Variants in MMP13 observed in about 807,000 individuals in gnomAD.
MMP13 encodes the protein collagenase 3.
In MMP13, 45 loss-of-function variants were observed where a neutral mutation model predicts 52.1. That is an observed-to-expected ratio of 0.86 (90% CI 0.68 to 1.11). MMP13 has a LOEUF of 1.11. Among genes scored for constraint, MMP13 ranks in the 50% least tolerant of loss-of-function variants. The probability of loss-of-function intolerance (pLI) is 0.00; values close to 1 mark genes in which losing one functional copy is unlikely to be tolerated. For missense variants in MMP13, 576 were observed against 583.8 expected (o/e 0.99, Z 0.14); for synonymous variants, 200 against 204.4 (o/e 0.98, Z 0.18).
chr11:102,954,134 A>G (rs769418718), intron 4 of MMP13, 22 bp downstream of exon 4: 10 of 1,612,462 alleles, frequency 6.2e-6, no homozygotes, highest in East Asian at 2.2e-5. Context: ...CACATAAATG[A>G]TATCTTTATA....
chr11:102,955,020 CT>C lies in MMP13; in HGVS notation c.362+231del, dbSNP rs1424995768. Among the ~76,000 whole-genome samples the C allele has an allele frequency of 6.6e-6, 1 of 152,146 alleles. No homozygotes were observed. Among genetic ancestry groups the C allele is most frequent in the African/African-American group, 2.4e-5 (1 of 41,430 alleles). ...ATGTTTGCAAATTTTCTTTAACCTA[CT>C]TTTATTTCTCTTTTGATTTCATCTC... On this transcript the variant is annotated intron_variant, in intron 2 of 9. Transcript: ENST00000260302. The surrounding 1 kb of genome is among the most constrained non-coding windows in gnomAD (Gnocchi z 4.9).
chr11:102,952,257 A>G lies in MMP13; in HGVS notation c.638-84T>C. On this transcript the variant is annotated intron_variant, in intron 4 of 9. Coordinates refer to ENST00000260302, the MANE Select transcript of MMP13 (RefSeq NM_002427.4). This position sits in a 1 kb window ranked among gnomAD's most constrained non-coding sequence, Gnocchi z 4.3. ...AGGAATATCATTTTATCTATCTGGT[A>G]TGTTTCTTTCTTGGCTATATACTTT... 5.4e-6 allele frequency: 8 copies of G among 1,471,198 alleles called. No individual in the cohort carries two copies. Among genetic ancestry groups the G allele is most frequent in the Admixed American group, 1.7e-5 (1 of 58,610 alleles). The allele number at this position is 1,471,198 out of a possible 1,614,324, so 91.1% of individuals were successfully genotyped here.
chr11:102,955,397 A>T lies in MMP13; in HGVS notation c.217T>A (p.Ser73Thr). Residue 73 changes from serine to threonine, a missense_variant, in exon 2 of 10, where the codon TCT becomes ACT. Coordinates refer to ENST00000260302, the MANE Select transcript of MMP13 (RefSeq NM_002427.4). This position sits in a 1 kb window ranked among gnomAD's most constrained non-coding sequence, Gnocchi z 4.9. ...CCAGTCACCTCTAAGCCGAAGAAAG[A>T]CTGCATTTCTCGGAGCCTCTCAGTC... ...SMTERLREMQ[S>T]FFGLEVTGKL... 1 of 1,613,986 alleles carries T rather than the reference A, an allele frequency of 6.2e-7. No homozygotes were observed. The highest frequency in any genetic ancestry group is 8.5e-7 in the Non-Finnish European group (1 of 1,179,932).
intron 5 of MMP13, among the ~76,000 whole-genome samples, chr11:102,951,611 G>C (rs1210773483): frequency 1.3e-5 from 2 of 152,144 alleles, no homozygotes; most frequent in Non-Finnish European, 2.9e-5. Context: ...GTAGAGTCAT[G>C]TGTTGCTTAA....
chr11:102,952,083 A>G lies in MMP13; in HGVS notation c.728T>C (p.Ile243Thr). 1 of 1,613,464 alleles carries G rather than the reference A, an allele frequency of 6.2e-7. No homozygotes were observed. The highest frequency in any genetic ancestry group is 2.2e-5 in the East Asian group (1 of 44,872). The stretch of plus-strand genomic sequence containing the variant: ...GTGGCTTTTGCCGGTGTAGGTGTAG[A>G]TAGGAAACATGAGTGCTCCAGGGTC... The part of the protein sequence containing the change: ...SKDPGALMFP[I>T]YTYTGKSHFM... The change falls in exon 5 of 10, where the codon ATC (isoleucine) becomes ACC (threonine). Residue 243 changes from isoleucine (I) to threonine (T), a missense_variant. Coordinates refer to ENST00000260302, the MANE Select transcript of MMP13 (RefSeq NM_002427.4). This position sits in a 1 kb window ranked among gnomAD's most constrained non-coding sequence, Gnocchi z 4.3.
chr11:102,949,298 A>T lies in MMP13; in HGVS notation c.918-140T>A, dbSNP rs782269037. On this transcript the variant is annotated intron_variant, in intron 6 of 9. Transcript: ENST00000260302. This position sits in a 1 kb window ranked among gnomAD's most constrained non-coding sequence, Gnocchi z 4.2. Reference sequence around the variant, plus strand: ...CACCTGTGAAGGGAAAAAAAATTCCATTACCCTTTAAGCGCCAGTGACAAG... The same window carrying T: ...CACCTGTGAAGGGAAAAAAAATTCCTTTACCCTTTAAGCGCCAGTGACAAG... 3 of 1,064,214 alleles carry T rather than the reference A, an allele frequency of 2.8e-6. No homozygotes were observed. The highest frequency in any genetic ancestry group is 4.2e-6 in the Non-Finnish European group (3 of 721,990). 65.9% of individuals were successfully genotyped at this position (1,064,214 alleles called of 1,614,324 possible). A position where few individuals can be genotyped will look rare whatever the true frequency, so the allele number is the denominator to read the frequency against.
chr11:102,948,830 T>C (rs1318843454), intron 7 of MMP13, among the ~76,000 whole-genome samples, 195 bp downstream of exon 7: 1 of 152,200 alleles, frequency 6.6e-6, no homozygotes, highest in African/African-American at 2.4e-5. Context: ...ACTAATAATG[T>C]AGACCTTTTA....
In MMP13 at chr11:102,949,262, C is replaced by A. The variant is rs1250892712; in HGVS notation, c.918-104G>T. 7.2e-7 allele frequency: 1 copy of A among 1,386,652 alleles called. No homozygotes were observed. 85.9% of individuals were successfully genotyped at this position (1,386,652 alleles called of 1,614,324 possible). A position where few individuals can be genotyped will look rare whatever the true frequency, so the allele number is the denominator to read the frequency against. ...ATCAACACAGACAAGTTAGATACAACCAATACCTCCCACCTGTGAAGGGAA... is the reference window on the plus strand; with the variant it reads ...ATCAACACAGACAAGTTAGATACAAACAATACCTCCCACCTGTGAAGGGAA... On this transcript the variant is annotated intron_variant, in intron 6 of 9. Transcript: ENST00000260302. This position sits in a 1 kb window ranked among gnomAD's most constrained non-coding sequence, Gnocchi z 4.2.
At chr11:102,948,889 G>T (rs1565254068) in intron 7 of MMP13, 136 bp downstream of exon 7, 1 of 1,196,802 alleles carries the variant, frequency 8.4e-7, no homozygotes, top group Non-Finnish European at 1.2e-6. Context: ...GTACTTTCTG[G>T]CTTCCATTTT....
Position 102,954,028 on chromosome 11 carries a change from T to C in MMP13, c.637+128A>G, listed in dbSNP as rs1860653421. On this transcript the variant is annotated intron_variant, in intron 4 of 9. Coordinates refer to ENST00000260302, the MANE Select transcript of MMP13 (RefSeq NM_002427.4). ...TGTAGAGACACTAATACATCTAAGA[T>C]AAACTTTATTTAAGAAAATATAGTC... The C allele has an allele frequency of 6.4e-6, 7 of 1,092,046 alleles. No homozygotes were observed. The East Asian group carries it at 1.8e-4, about 29-fold the overall frequency. The allele number at this position is 1,092,046 out of a possible 1,614,324, so 67.6% of individuals were successfully genotyped here.
At position 102,952,026 on chromosome 11, in the gene MMP13, A is replaced by G. The variant is rs782529077; in HGVS notation, c.785T>C (p.Ile262Thr). The change falls in exon 5 of 10, where the codon ATC (isoleucine) becomes ACC (threonine). Residue 262 changes from isoleucine (I) to threonine (T), a missense_variant. Ile to Thr is a moderately conservative substitution (Grantham distance 89, BLOSUM62 -1). Transcript: ENST00000260302. This position sits in a 1 kb window ranked among gnomAD's most constrained non-coding sequence, Gnocchi z 4.3. The stretch of plus-strand genomic sequence containing the variant: ...AACCGAGTTACCATAGAGAGACTGG[A>G]TCCCTTGTACATCGTCATCAGGAAG... ...FMLPDDDVQGIQSLYGPGDED... is the reference protein window; with the variant it reads ...FMLPDDDVQGTQSLYGPGDED... 6.2e-7 allele frequency: 1 copy of G among 1,613,280 alleles called. No individual in the cohort carries two copies. The highest frequency in any genetic ancestry group is 1.3e-5 in the African/African-American group (1 of 75,000).
chr11:102,951,578 A>G (rs2134519556), intron 5 of MMP13, among the ~76,000 whole-genome samples: 1 of 152,320 alleles, frequency 6.6e-6, no homozygotes, highest in African/African-American at 2.4e-5. Flanking sequence ...AGAAAGCAGC[A>G]TTGGCAGTGG....
In MMP13 at chr11:102,954,792, G is replaced by A. The variant is rs145511790; in HGVS notation, c.363-186C>T. Among the ~76,000 whole-genome samples, 954 of 152,214 alleles carry A rather than the reference G, an allele frequency of 6.3e-3. 8 individuals are homozygous for A. Among genetic ancestry groups the A allele is most frequent in the Non-Finnish European group, 0.011 (757 of 68,012 alleles). On this transcript the variant is annotated intron_variant, in intron 2 of 9. Coordinates refer to ENST00000260302, the MANE Select transcript of MMP13 (RefSeq NM_002427.4). ...ACAAGAATAAAAAGTCAAAAATTCA[G>A]CCACATTTGAGTATCTCCAAATATC...
At position 102,949,266 on chromosome 11, in the gene MMP13, T is replaced by G; in HGVS notation, c.918-108A>C. The G allele has an allele frequency of 1.5e-6, 2 of 1,367,390 alleles. No individual in the cohort carries two copies. Among genetic ancestry groups the G allele is most frequent in the Non-Finnish European group, 2.0e-6 (2 of 986,588 alleles). 84.7% of individuals were successfully genotyped at this position (1,367,390 alleles called of 1,614,324 possible). On this transcript the variant is annotated intron_variant, in intron 6 of 9. Transcript: ENST00000260302. This position sits in a 1 kb window ranked among gnomAD's most constrained non-coding sequence, Gnocchi z 4.2. ...ACACAGACAAGTTAGATACAACCAA[T>G]ACCTCCCACCTGTGAAGGGAAAAAA...
rs1555016567 is a variant in MMP13 at position 102,945,519 on chromosome 11, A to C, written c.1315+127T>G. ...CTTTGTAGGTAGTCACACAGGAACA[A>C]TTAATTCCTTAACTGCCATACATTT... On this transcript the variant is annotated intron_variant, in intron 9 of 9. Transcript: ENST00000260302. 4.2e-6 allele frequency: 3 copies of C among 709,786 alleles called. No individual in the cohort carries two copies. The East Asian group carries it at 8.1e-5, about 19-fold the overall frequency. 44.0% of individuals were successfully genotyped at this position (709,786 alleles called of 1,614,324 possible).
chr11:102,955,664 C>A lies in MMP13; in HGVS notation c.42G>T (p.Trp14Cys). ...GVLAAFLFLS[W>C]THCRALPLPS... ...GAAGGGGCAGGGCCCGACAATGAGT[C>A]CAGCTCAAGAAGAGGAAGGCAGCCA... Residue 14 changes from tryptophan to cysteine, a missense_variant, in exon 1 of 10, where the codon TGG becomes TGT. Coordinates refer to ENST00000260302, the MANE Select transcript of MMP13 (RefSeq NM_002427.4). This position sits in a 1 kb window ranked among gnomAD's most constrained non-coding sequence, Gnocchi z 4.9. 1.9e-6 allele frequency: 3 copies of A among 1,613,958 alleles called. No individual in the cohort carries two copies. Among genetic ancestry groups the A allele is most frequent in the Admixed American group, 1.7e-5 (1 of 59,984 alleles).
At chr11:102,946,131 A>G (rs1591153512) in intron 8 of MMP13, among the ~76,000 whole-genome samples, 2 of 152,236 alleles carry the variant, frequency 1.3e-5, no homozygotes, top group East Asian at 3.8e-4. Flanking sequence ...ACTTACTTGC[A>G]CTTACTTAGT....
Position 102,945,900 on chromosome 11 carries a change from G to A in MMP13, c.1212-151C>T, listed in dbSNP as rs1860499449. On this transcript the variant is annotated intron_variant, in intron 8 of 9. Coordinates refer to ENST00000260302, the MANE Select transcript of MMP13 (RefSeq NM_002427.4). ...GCATCTGGTAGCTTTTTAAAATTAG[G>A]AATGAGAATACTGAGTGTACAGTGG... 3 of 582,796 alleles carry A rather than the reference G, an allele frequency of 5.1e-6. No homozygotes were observed. In the South Asian group the frequency reaches 6.2e-5, roughly 12 times the overall value. 36.1% of individuals were successfully genotyped at this position (582,796 alleles called of 1,614,324 possible).
At chr11:102,950,250 A>G in intron 5 of MMP13, 23 bp from the exon 6 acceptor site, 2 of 1,539,088 alleles carry the variant, frequency 1.3e-6, no homozygotes, top group Non-Finnish European at 1.8e-6. Context: ...AAGGCAAGAG[A>G]GAAGTTATGA....
Sources: gnomAD v4.1 joint callset for allele counts (sites outside exome capture counted in the v4.1 genomes callset) on GRCh38, gnomAD v4.1.1 for gene constraint, Gnocchi (gnomAD v3.1) non-coding constraint, MANE v1.5 for transcripts, NCBI Gene and HGNC (gene_info 2026-07-23, HGNC 2026-07-21) for gene names.